The following STARD8 variants were observed in gnomAD, a reference collection of about 807,000 sequenced individuals.
STARD8 encodes stAR-related lipid transfer protein 8.
STARD8 carries 25 observed loss-of-function variants against 69.4 expected under a neutral mutation model. The observed-to-expected ratio is 0.36, with a 90% CI of 0.26 to 0.50. The LOEUF is 0.50. Ranked by LOEUF, STARD8 falls within the 20% of genes least tolerant of loss-of-function variation. The pLI, the probability that STARD8 is intolerant of heterozygous loss-of-function variation, is 0.96. For missense variants in STARD8, 921 were observed against 932.5 expected (o/e 0.99, Z 0.16); for synonymous variants, 389 against 374.6 (o/e 1.04, Z -0.45).
intron 2 of STARD8, among the ~76,000 whole-genome samples, chrX:68,686,840 G>A (rs1182916883): frequency 9.0e-6 from 1 of 111,298 alleles, no homozygotes; most frequent in African/African-American, 3.3e-5. Flanking sequence ...CAGTCTATCC[G>A]GCTTCGTCCC....
At chrX:68,679,387 C>T (rs2079786602) in intron 2 of STARD8, among the ~76,000 whole-genome samples, 1 of 111,642 alleles carries the variant, frequency 9.0e-6, no homozygotes, top group Admixed American at 9.5e-5. Context: ...ACCCACTGAT[C>T]TAGTCCATCT....
In STARD8 at chrX:68,715,287, C is replaced by T. The variant is rs1336104060; in HGVS notation, c.152-7C>T. 3.3e-6 allele frequency: 4 copies of T among 1,201,204 alleles called. No individual in the cohort carries two copies. Among genetic ancestry groups the T allele is most frequent in the Non-Finnish European group, 4.5e-6 (4 of 889,756 alleles). ...TGCACTCATCTTTGCTTCTCTCTGC[C>T]ATACAGAAGGTTCGTTTCCCCTGGA... is the stretch of plus-strand genomic sequence containing the variant. On this transcript the variant is annotated splice_region_variant and splice_polypyrimidine_tract_variant and intron_variant, in intron 3 of 14. Coordinates refer to ENST00000374599, the MANE Select transcript of STARD8 (RefSeq NM_001142503.3).
chrX:68,671,043 C>T (rs1467690976), intron 2 of STARD8, among the ~76,000 whole-genome samples: 1 of 112,122 alleles, frequency 8.9e-6, no homozygotes, highest in Non-Finnish European at 1.9e-5. Context: ...AGTTCACCCT[C>T]CATGCTGCTG....
chrX:68,667,865 C>T (rs770566632), intron 2 of STARD8, among the ~76,000 whole-genome samples: 174 of 110,932 alleles, frequency 1.6e-3, no homozygotes, highest in Non-Finnish European at 2.9e-3. Context: ...TTCCCCTCTC[C>T]GAACCTCAAT....
chrX:68,703,181 G>A (rs2079978969), intron 2 of STARD8, among the ~76,000 whole-genome samples: 1 of 111,984 alleles, frequency 8.9e-6, no homozygotes, highest in Admixed American at 9.4e-5. Context: ...GATTGCTTGA[G>A]CCCGGGAGGT....
At chrX:68,705,426 C>T (rs758225155) in intron 2 of STARD8, among the ~76,000 whole-genome samples, 5 of 112,509 alleles carry the variant, frequency 4.4e-5, no homozygotes, top group East Asian at 2.8e-4. Context: ...CACTGCTTCA[C>T]GGAGAGGAGC....
intron 2 of STARD8, among the ~76,000 whole-genome samples, chrX:68,668,101 C>CT (rs765789267): frequency 0.01 from 999 of 96,769 alleles, 7 homozygotes; most frequent in Admixed American, 0.016. Context: ...TTCTTTCTTT[C>CT]TTTCTTTCTT....
At chrX:68,650,293 A>G (rs1250261329) in intron 1 of STARD8, among the ~76,000 whole-genome samples, 1 of 109,040 alleles carries the variant, frequency 9.2e-6, no homozygotes, top group African/African-American at 3.3e-5. Flanking sequence ...GTGATGCATA[A>G]TGGACACCTA....
chrX:68,722,465 C>T lies in STARD8; in HGVS notation c.2618C>T (p.Ala873Val). ...MVLQLCSSYSAAELSPPGPAL... is the reference protein window; with the variant it reads ...MVLQLCSSYSVAELSPPGPAL... ...CTGCAGCTGTGCAGCTCCTACAGCG[C>T]AGCTGAGCTCAGCCCTCCCGGCCCA... is the stretch of plus-strand genomic sequence containing the variant. Residue 873 changes from alanine to valine, a missense_variant, in exon 12 of 15, where the codon GCA becomes GTA. Physicochemically the swap from Ala to Val is moderately conservative, Grantham distance 64 (BLOSUM62 0). Coordinates refer to ENST00000374599, the MANE Select transcript of STARD8 (RefSeq NM_001142503.3). The T allele has an allele frequency of 8.3e-7, 1 of 1,208,566 alleles. No individual in the cohort carries two copies. Among genetic ancestry groups the T allele is most frequent in the African/African-American group, 1.7e-5 (1 of 57,852 alleles).
intron 2 of STARD8, among the ~76,000 whole-genome samples, chrX:68,689,598 A>G (rs1388823534): frequency 1.5e-4 from 17 of 112,426 alleles, no homozygotes; most frequent in Non-Finnish European, 3.0e-4. Flanking sequence ...CCACACCTGT[A>G]TGTCTGAGCT....
At chrX:68,699,883 C>T (rs1399189850) in intron 2 of STARD8, among the ~76,000 whole-genome samples, 2 of 112,192 alleles carry the variant, frequency 1.8e-5, no homozygotes, top group Non-Finnish European at 3.8e-5. Flanking sequence ...CCAGCCAGCT[C>T]TCACGATTGG....
intron 2 of STARD8, among the ~76,000 whole-genome samples, chrX:68,703,536 G>A (rs763524237): frequency 5.3e-5 from 6 of 112,387 alleles, no homozygotes; most frequent in African/African-American, 1.3e-4. Context: ...GGGAGGGGTC[G>A]TGTCTGCTCC....
At chrX:68,661,925 CCT>C (rs1366189633) in intron 1 of STARD8, among the ~76,000 whole-genome samples, 26 of 95,554 alleles carry the variant, frequency 2.7e-4, no homozygotes, top group African/African-American at 1.1e-3. Flanking sequence ...TTCCTTCCTT[CCT>C]TCCCTCCCTC....
chrX:68,693,675 C>G, intron 2 of STARD8: 1 of 755,074 alleles, frequency 1.3e-6, no homozygotes, highest in Non-Finnish European at 1.6e-6. Flanking sequence ...GGCTAAGCAG[C>G]CGCGGCAGCT....
intron 2 of STARD8, among the ~76,000 whole-genome samples, chrX:68,668,048 C>T (rs1190460313): frequency 9.6e-6 from 1 of 103,875 alleles, no homozygotes; most frequent in Non-Finnish European, 2.0e-5. Context: ...CCCTCTTTCT[C>T]TCTCTTTCTT....
intron 2 of STARD8, among the ~76,000 whole-genome samples, chrX:68,670,415 T>A (rs188391846): frequency 3.8e-4 from 42 of 111,417 alleles, no homozygotes; most frequent in Non-Finnish European, 5.1e-4. Context: ...TTCTTTGGGA[T>A]GGGGGGAAGG....
chrX:68,676,688 A>G (rs746923951), intron 2 of STARD8, among the ~76,000 whole-genome samples: 9 of 112,250 alleles, frequency 8.0e-5, no homozygotes, highest in Admixed American at 5.6e-4. Context: ...CCTTTCACCT[A>G]TGGATTAAAA....
intron 2 of STARD8, among the ~76,000 whole-genome samples, chrX:68,687,640 T>G (rs1289257147): frequency 8.9e-6 from 1 of 112,343 alleles, no homozygotes; most frequent in Admixed American, 9.4e-5. Context: ...ATGGGGACAC[T>G]GAGAGCCAGA....
chrX:68,696,641 C>T (rs1188762074), intron 2 of STARD8, among the ~76,000 whole-genome samples: 2 of 111,688 alleles, frequency 1.8e-5, no homozygotes, highest in Non-Finnish European at 3.8e-5. Context: ...CAGGCTCTGC[C>T]GCCCCCCTCA....
Sources: gnomAD v4.1 joint callset for allele counts (sites outside exome capture counted in the v4.1 genomes callset) on GRCh38, gnomAD v4.1.1 for gene constraint, MANE v1.5 for transcripts, NCBI Gene and HGNC (gene_info 2026-07-23, HGNC 2026-07-21) for gene names.